MADD: variants seen among roughly 807,000 people sequenced by gnomAD.
The protein encoded by MADD is MAP kinase-activating death domain protein.
A neutral mutation model predicts 176.7 loss-of-function variants in MADD; 109 were observed. That is an observed-to-expected ratio of 0.62 (90% CI 0.53 to 0.72). MADD has a LOEUF of 0.72. MADD is among the 30% of genes least tolerant of loss of function. The pLI is 0.00. For synonymous variants in MADD, 771 were observed against 771.3 expected (o/e 1.00, Z 0.01); for missense variants, 1,914 against 2,045.5 (o/e 0.94, Z 1.24).
At chr11:47,301,988 G>C (rs1171232175) in intron 22 of MADD, among the ~76,000 whole-genome samples, 1 of 152,118 alleles carries the variant, frequency 6.6e-6, no homozygotes, top group Non-Finnish European at 1.5e-5. Flanking sequence ...AATGTAAAAT[G>C]TAGTATAAAT....
chr11:47,270,735 A>G (rs1417102982), intron 1 of MADD: 3 of 152,132 alleles, frequency 2.0e-5, no homozygotes, highest in Admixed American at 1.3e-4. Context: ...TCTTTCTGCA[A>G]TCGCTCTCCT....
intron 23 of MADD, 93 bp downstream of exon 25, chr11:47,308,792 T>C: frequency 3.5e-6 from 4 of 1,156,410 alleles, no homozygotes; most frequent in Non-Finnish European, 5.1e-6. Flanking sequence ...GTTGTCTTTC[T>C]GCTGATCTTA....
intron 25 of MADD, among the ~76,000 whole-genome samples, chr11:47,309,910 C>T (rs931054974): frequency 1.3e-5 from 2 of 148,416 alleles, no homozygotes; most frequent in African/African-American, 5.0e-5. Context: ...GGCGCAATCT[C>T]AGCTCACTGC....
chr11:47,328,621 G>A, intron 31 of MADD, 37 bp from the exon 36 acceptor site: 1 of 1,613,996 alleles, frequency 6.2e-7, no homozygotes, highest in Non-Finnish European at 8.5e-7. Context: ...TCTTAGTGTT[G>A]AACTTTCTGT....
In MADD at chr11:47,276,214, G is replaced by A. The variant is rs2049646307; in HGVS notation, c.963+12G>A. ...TGTTAGAGCACAAGGTGAGAGGCAA[G>A]CTTCCTAGACCTTTCTAGGGGAGAA... On this transcript the variant is annotated intron_variant, in intron 4 of 32. Coordinates refer to ENST00000402192, the Ensembl canonical transcript of MADD. 1 of 1,595,676 alleles carries A rather than the reference G, an allele frequency of 6.3e-7. No individual in the cohort carries two copies. The highest frequency in any genetic ancestry group is 1.3e-5 in the African/African-American group (1 of 74,404).
rs749157496 is a variant in MADD at position 47,324,555 on chromosome 11, A to G, written c.4520A>G (p.Asn1507Ser). ...CTGCAGGTGACCCTGGAAGGGATCA[A>G]CCTCAAATTCATGCACAATCAGGTA... The change falls in exon 30 of 33, where the codon AAC (asparagine) becomes AGC (serine). Residue 1507 changes from asparagine to serine, a missense_variant. Physicochemically the swap from Asn to Ser is conservative, Grantham distance 46. This residue lies in a region of MADD where 147 missense variants were observed against 209.5 expected (regional missense o/e 0.70). Coordinates refer to ENST00000402192, the Ensembl canonical transcript of MADD. The G allele has an allele frequency of 4.3e-6, 7 of 1,613,486 alleles. No individual in the cohort carries two copies. The African/African-American group carries it at 5.3e-5, about 12-fold the overall frequency.
rs761161464 is a variant in MADD at position 47,323,668 on chromosome 11, C to T, written c.4198-3C>T. ...CACTGAGCCGCTTTGTGCACTTCTC[C>T]AGGTGTGCGATGACTGTGTGGTGTT... is the stretch of plus-strand genomic sequence containing the variant. On this transcript the variant is annotated splice_region_variant and splice_polypyrimidine_tract_variant and intron_variant, in intron 27 of 32. Coordinates refer to ENST00000402192, the Ensembl canonical transcript of MADD. 1.1e-5 allele frequency: 18 copies of T among 1,612,170 alleles called. No individual in the cohort carries two copies. Among genetic ancestry groups the T allele is most frequent in the Non-Finnish European group, 1.4e-5 (17 of 1,179,358 alleles).
At chr11:47,288,827 C>T (rs1592690308) in intron 15 of MADD, 141 bp from the exon 16 acceptor site, 1 of 658,748 alleles carries the variant, frequency 1.5e-6, no homozygotes, top group Non-Finnish European at 2.6e-6. Context: ...GCTTCCAGCT[C>T]TGAGGTGCCC....
chr11:47,311,443 G>A (rs997844887), intron 25 of MADD, among the ~76,000 whole-genome samples: 7 of 152,160 alleles, frequency 4.6e-5, no homozygotes, highest in African/African-American at 1.7e-4. Flanking sequence ...CCCTTGTAGG[G>A]GTGAATGTTG....
At chr11:47,322,243 C>A (rs912045141) in intron 27 of MADD, among the ~76,000 whole-genome samples, 2 of 152,098 alleles carry the variant, frequency 1.3e-5, no homozygotes, top group South Asian at 4.1e-4. Flanking sequence ...GGAATCTAAA[C>A]TCAGGCTGAC....
chr11:47,296,481 G>A (rs1316069470), intron 22 of MADD, among the ~76,000 whole-genome samples: 1 of 152,126 alleles, frequency 6.6e-6, no homozygotes, highest in Non-Finnish European at 1.5e-5. Context: ...TTTTATTTTA[G>A]TATATTCCTA....
chr11:47,328,864 G>T (rs141088618), intron 32 of MADD, among the ~76,000 whole-genome samples, 160 bp downstream of exon 36: 251 of 152,260 alleles, frequency 1.6e-3, no homozygotes, highest in African/African-American at 5.3e-3. Context: ...CTTGAGCCCT[G>T]AGAGACAGAC....
rs117243655 is a variant in MADD, at chr11:47,281,084, G to T, written c.1291-491G>T. 6.0e-4 allele frequency among the ~76,000 whole-genome samples: 91 copies of T among 152,296 alleles called. 1 individual carries two copies. In the East Asian group the frequency reaches 0.015, roughly 26 times the overall value. On this transcript the variant is annotated intron_variant, in intron 7 of 32. Transcript: ENST00000402192. ...TCCTCACTCACATTTGAGAAGCACTGCTGCTCTCGACCAGTGGTCTTCACG... is the reference window on the plus strand; with the variant it reads ...TCCTCACTCACATTTGAGAAGCACTTCTGCTCTCGACCAGTGGTCTTCACG...
intron 31 of MADD, chr11:47,327,850 G>A: frequency 1.0e-6 from 1 of 985,412 alleles, no homozygotes; most frequent in South Asian, 4.7e-5. Flanking sequence ...GTCTCAAGGG[G>A]CCATGATGGT....
chr11:47,299,584 G>GTTTT (rs1565442765), intron 22 of MADD, among the ~76,000 whole-genome samples: 1 of 65,234 alleles, frequency 1.5e-5, no homozygotes, highest in South Asian at 5.2e-4. Context: ...AGATTTTAGG[G>GTTTT]CTTTTTTTTT....
intron 30 of MADD, 51 bp from the exon 34 acceptor site, chr11:47,326,493 C>T: frequency 1.5e-6 from 2 of 1,328,098 alleles, no homozygotes; most frequent in Non-Finnish European, 1.9e-6. Context: ...TTGGGTTTGA[C>T]CATTCAAACT....
intron 27 of MADD, among the ~76,000 whole-genome samples, chr11:47,323,199 C>T (rs979176889): frequency 6.7e-6 from 1 of 149,750 alleles, no homozygotes; most frequent in Non-Finnish European, 1.5e-5. Context: ...GATTGCACCA[C>T]TGCACTCCAG....
chr11:47,297,509 C>T (rs1340713190), intron 22 of MADD, among the ~76,000 whole-genome samples: 2 of 149,552 alleles, frequency 1.3e-5, no homozygotes, highest in African/African-American at 2.5e-5. Context: ...TGCAGTGGTG[C>T]GATCTCGGCT....
intron 19 of MADD, among the ~76,000 whole-genome samples, chr11:47,293,328 G>A (rs1593013036): frequency 1.3e-5 from 2 of 149,618 alleles, no homozygotes; most frequent in East Asian, 1.9e-4. Context: ...TTGAGATGGA[G>A]TCTTGCTCTG....
Sources: allele counts gnomAD v4.1 joint callset (sites outside exome capture counted in the v4.1 genomes callset), GRCh38; gene constraint gnomAD v4.1.1; regional missense constraint gnomAD v4.1.1; transcripts MANE v1.5; gene names NCBI Gene and HGNC (gene_info 2026-07-23, HGNC 2026-07-21).